Variants in AGK observed in about 807,000 individuals in gnomAD.
AGK encodes acylglycerol kinase.
A neutral mutation model predicts 66.4 loss-of-function variants in AGK; 52 were observed. The observed-to-expected ratio is 0.78, with a 90% CI of 0.63 to 0.99. The LOEUF (loss-of-function observed/expected upper bound fraction) is 0.99. Ranked by LOEUF, AGK falls within the 50% of genes least tolerant of loss-of-function variation. The pLI is 0.00. For missense variants in AGK, 451 were observed against 506.6 expected, an observed-to-expected ratio of 0.89 and a Z score of 1.05; for synonymous variants, 182 against 181.1, an observed-to-expected ratio of 1.00 and a Z score of -0.04.
At chr7:141,629,649 C>G (rs1211519226) in intron 9 of AGK, among the ~76,000 whole-genome samples, 1 of 152,192 alleles carries the variant, frequency 6.6e-6, no homozygotes, top group Non-Finnish European at 1.5e-5. Context: ...CACACATATT[C>G]TGCCTTGCTG....
At chr7:141,604,943 G>A (rs374139435) in intron 5 of AGK, among the ~76,000 whole-genome samples, 3 of 151,466 alleles carry the variant, frequency 2.0e-5, no homozygotes, top group African/African-American at 7.3e-5. Context: ...TATTTGTTTA[G>A]GCAACTTTAA....
intron 2 of AGK, among the ~76,000 whole-genome samples, chr7:141,578,272 T>TG (rs1795797083): frequency 7.0e-6 from 1 of 142,202 alleles, no homozygotes; most frequent in African/African-American, 2.7e-5. Flanking sequence ...CTGGCAGGGG[T>TG]GGGGGTCACA....
intron 3 of AGK, 109 bp downstream of exon 3, chr7:141,593,294 C>T: frequency 2.0e-6 from 2 of 1,011,056 alleles, no homozygotes; most frequent in Non-Finnish European, 3.1e-6. Flanking sequence ...TGCAGTCTGG[C>T]TATTTTTTAG....
intron 2 of AGK, among the ~76,000 whole-genome samples, chr7:141,581,350 T>C (rs1795878146): frequency 6.6e-6 from 1 of 151,706 alleles, no homozygotes; most frequent in Non-Finnish European, 1.5e-5. Context: ...AGGGAGGTAT[T>C]GAGGATAGGA....
intron 5 of AGK, 148 bp downstream of exon 5, chr7:141,601,428 G>GT (rs1342184788): frequency 3.5e-5 from 21 of 595,642 alleles, no homozygotes; most frequent in Non-Finnish European, 4.2e-5. Context: ...ATGTAGTTTT[G>GT]TTTTTTTCCA....
chr7:141,573,215 A>G (rs1795651505), intron 2 of AGK, among the ~76,000 whole-genome samples: 1 of 152,206 alleles, frequency 6.6e-6, no homozygotes, highest in Admixed American at 6.5e-5. Context: ...TTTATGGGCA[A>G]TTAAATAACA....
intron 2 of AGK, among the ~76,000 whole-genome samples, chr7:141,578,575 C>T (rs904302385): frequency 2.6e-5 from 4 of 151,458 alleles, no homozygotes; most frequent in East Asian, 3.9e-4. Flanking sequence ...AGATAATGGG[C>T]GATGTTTCTC....
At chr7:141,588,915 T>C (rs1158725644) in intron 2 of AGK, among the ~76,000 whole-genome samples, 1 of 152,206 alleles carries the variant, frequency 6.6e-6, no homozygotes, top group East Asian at 1.9e-4. Context: ...TAATGAGCAG[T>C]GAGGACACTA....
At chr7:141,594,346 C>A (rs1277282878) in intron 3 of AGK, among the ~76,000 whole-genome samples, 1 of 152,014 alleles carries the variant, frequency 6.6e-6, no homozygotes. Flanking sequence ...AGGCACACAC[C>A]ACCATGTCCA....
At chr7:141,650,316 T>G (rs1384433551) in intron 14 of AGK, among the ~76,000 whole-genome samples, 2 of 152,244 alleles carry the variant, frequency 1.3e-5, no homozygotes, top group Non-Finnish European at 2.9e-5. Context: ...CAATCTTCAT[T>G]GACAGTCTGG....
In AGK at chr7:141,555,492, G is replaced by C. The variant is rs577821330; in HGVS notation, c.26G>C (p.Arg9Pro). The C allele has an allele frequency of 2.5e-6, 4 of 1,613,716 alleles. No individual in the cohort carries two copies. The African/African-American group carries it at 4.0e-5, about 16-fold the overall frequency. The change falls in exon 2 of 16, where the codon CGA (arginine) becomes CCA (proline). Residue 9 changes from arginine to proline, a missense_variant. Arg to Pro is a moderately radical substitution (Grantham distance 103). Coordinates refer to ENST00000649286, the MANE Select transcript of AGK (RefSeq NM_018238.4). The surrounding 1 kb of genome is among the most constrained non-coding windows in gnomAD (Gnocchi z 4.2). ...ATGACGGTGTTCTTTAAAACGCTTC[G>C]AAATCACTGGAAGAAAACTACAGCT... MTVFFKTL[R>P]NHWKKTTAGL...
At chr7:141,610,093 T>G (rs972399609) in intron 5 of AGK, among the ~76,000 whole-genome samples, 3 of 151,756 alleles carry the variant, frequency 2.0e-5, no homozygotes, top group African/African-American at 7.3e-5. Flanking sequence ...CTCAGCTTCC[T>G]GAGTAGCTAG....
rs1213628935 is a variant in AGK, at chr7:141,654,642, G to A, written c.*1718G>A. ...TTTTCCTTTGTTCAGTGGCCCTGAG[G>A]TTCTTACACTCTAGGGGGCAGTGCA... On this transcript the variant is annotated 3_prime_UTR_variant, in exon 16 of 16. Coordinates refer to ENST00000649286, the MANE Select transcript of AGK (RefSeq NM_018238.4). 6.6e-6 allele frequency: 1 copy of A among 152,166 alleles called. No homozygotes were observed. The highest frequency in any genetic ancestry group is 1.5e-5 in the Non-Finnish European group (1 of 68,028). The allele number at this position is 152,166 out of a possible 1,614,324, so 9.4% of individuals were successfully genotyped here. A position where few individuals can be genotyped will look rare whatever the true frequency, so the allele number is the denominator to read the frequency against.
intron 2 of AGK, among the ~76,000 whole-genome samples, chr7:141,568,337 A>G (rs1795511838): frequency 6.6e-6 from 1 of 152,182 alleles, no homozygotes; most frequent in Admixed American, 6.5e-5. Context: ...TTATTCCTGC[A>G]TCACTGGGGA....
intron 8 of AGK, 173 bp downstream of exon 8, chr7:141,615,738 G>T: frequency 3.3e-6 from 2 of 604,656 alleles, no homozygotes; most frequent in Admixed American, 2.9e-5. Context: ...CTCCCAACTT[G>T]GTTGTGGGAC....
At chr7:141,645,251 GA>G (rs765175192) in intron 13 of AGK, among the ~76,000 whole-genome samples, 24 of 151,698 alleles carry the variant, frequency 1.6e-4, no homozygotes, top group Non-Finnish European at 2.9e-4. Flanking sequence ...GTTTTCTCTG[GA>G]ATATCCTGTC....
At chr7:141,593,538 A>G (rs1057061118) in intron 3 of AGK, 2 of 600,410 alleles carry the variant, frequency 3.3e-6, no homozygotes, top group Non-Finnish European at 5.9e-6. Context: ...CCCCAAGGAT[A>G]TCAGTTCAGA....
chr7:141,644,596 A>G (rs1177045664), intron 13 of AGK, among the ~76,000 whole-genome samples: 2 of 152,206 alleles, frequency 1.3e-5, no homozygotes, highest in Non-Finnish European at 2.9e-5. Flanking sequence ...AATATTTGCA[A>G]TGAACTAATC....
chr7:141,551,468 T>G (rs1440758302), intron 1 of AGK, 34 bp downstream of exon 1: 1 of 153,152 alleles, frequency 6.5e-6, no homozygotes, highest in Non-Finnish European at 1.5e-5. Context: ...GGGAGCGCAG[T>G]GCGGGTCGCT....
Sources: gnomAD v4.1 joint callset for allele counts (sites outside exome capture counted in the v4.1 genomes callset) on GRCh38, gnomAD v4.1.1 for gene constraint, Gnocchi (gnomAD v3.1) non-coding constraint, MANE v1.5 for transcripts, NCBI Gene and HGNC (gene_info 2026-07-23, HGNC 2026-07-21) for gene names.